Variants in CAPN3 observed in about 807,000 individuals in gnomAD.
CAPN3 encodes calpain-3.
CAPN3 carries 88 observed loss-of-function variants against 114.0 expected under a neutral mutation model. That is an observed-to-expected ratio of 0.77 (90% CI 0.65 to 0.92). The LOEUF (loss-of-function observed/expected upper bound fraction) is 0.92, where lower values mean the gene tolerates loss of function less well. Among genes scored for constraint, CAPN3 ranks in the 40% least tolerant of loss-of-function variants. The pLI is 0.00. For missense variants in CAPN3, 1,028 were observed against 1,069.0 expected (o/e 0.96, Z 0.53); for synonymous variants, 386 against 382.9 (o/e 1.01, Z -0.09).
chr15:42,389,416 T>G (rs946350912), intron 5 of CAPN3, among the ~76,000 whole-genome samples: 2 of 152,162 alleles, frequency 1.3e-5, no homozygotes, highest in African/African-American at 4.8e-5. Flanking sequence ...GCCACGTACT[T>G]GGCTGTGGAC....
chr15:42,402,047 A>G, intron 11 of CAPN3, 77 bp from the exon 12 acceptor site: 1 of 1,579,286 alleles, frequency 6.3e-7, no homozygotes, highest in Non-Finnish European at 8.7e-7. Flanking sequence ...TGCGGGCTGC[A>G]GTTGCTGGCA....
In CAPN3 at chr15:42,401,485, C is replaced by G. The variant is rs28364482; in HGVS notation, c.1355-156C>G. Among the ~76,000 whole-genome samples, 215 of 127,114 alleles carry G rather than the reference C, an allele frequency of 1.7e-3. 2 individuals are homozygous for G. The highest frequency in any genetic ancestry group is 7.7e-3 in the Middle Eastern group (2 of 260). The allele number at this position is 127,114 out of a possible 152,430, so 83.4% of individuals were successfully genotyped here. A position where few individuals can be genotyped will look rare whatever the true frequency, so the allele number is the denominator to read the frequency against. ...GAATAAAGGTAGCGCCCCCCCCCCCCCCAAATCATTAGAGAAATGCCTGAA... is the reference window on the plus strand; with the variant it reads ...GAATAAAGGTAGCGCCCCCCCCCCCGCCAAATCATTAGAGAAATGCCTGAA... On this transcript the variant is annotated intron_variant, in intron 10 of 23. Coordinates refer to ENST00000397163, the MANE Select transcript of CAPN3 (RefSeq NM_000070.3).
At chr15:42,396,726 T>C (rs2053704216) in intron 8 of CAPN3, 74 bp from the exon 9 acceptor site, 2 of 1,160,362 alleles carry the variant, frequency 1.7e-6, no homozygotes, top group East Asian at 2.3e-5. Flanking sequence ...TGTATTTCTC[T>C]GATACCTCCT....
chr15:42,361,452 C>A (rs2052641494), intron 1 of CAPN3, among the ~76,000 whole-genome samples: 1 of 152,088 alleles, frequency 6.6e-6, no homozygotes, highest in South Asian at 2.1e-4. Context: ...GGCTGGGTGA[C>A]AGGAGTGAGA....
At chr15:42,388,861 C>A in intron 4 of CAPN3, 67 bp from the exon 5 acceptor site, 1 of 1,327,166 alleles carries the variant, frequency 7.5e-7, no homozygotes, top group Non-Finnish European at 1.1e-6. Context: ...GTTCTGGTGG[C>A]AGTGGTACCT....
chr15:42,379,338 TTTATGGCTCAGAATGTGTTC>T (rs2053177677), intron 1 of CAPN3, among the ~76,000 whole-genome samples: 1 of 152,102 alleles, frequency 6.6e-6, no homozygotes, highest in Non-Finnish European at 1.5e-5. Context: ...TAAGGTGTGT[TTTATGGCTCAGAATGTGTTC>T]TGTCTTACTG....
intron 21 of CAPN3, 53 bp downstream of exon 21, chr15:42,410,719 G>C (rs1024497277): frequency 6.7e-7 from 1 of 1,487,968 alleles, no homozygotes; most frequent in South Asian, 1.1e-5. Context: ...GTGGGAGCAG[G>C]AATGGGAGGG....
At chr15:42,365,425 T>C (rs2052754227) in intron 1 of CAPN3, among the ~76,000 whole-genome samples, 1 of 152,206 alleles carries the variant, frequency 6.6e-6, no homozygotes, top group Non-Finnish European at 1.5e-5. Context: ...GGCTGATAGC[T>C]GGGCCTTGCA....
intron 1 of CAPN3, among the ~76,000 whole-genome samples, chr15:42,362,438 G>A (rs112669731): frequency 2.0e-5 from 3 of 151,948 alleles, no homozygotes; most frequent in Non-Finnish European, 4.4e-5. Flanking sequence ...TGAAATGAGG[G>A]GTGCAGAAGA....
intron 1 of CAPN3, among the ~76,000 whole-genome samples, chr15:42,373,373 C>T (rs1478481193): frequency 6.6e-6 from 1 of 152,092 alleles, no homozygotes; most frequent in Non-Finnish European, 1.5e-5. Context: ...GCATGAAGTT[C>T]AAAGATCACA....
At position 42,374,986 on chromosome 15, in the gene CAPN3, A is replaced by AATTTATTTATTTATTT. The variant is rs71431847; in HGVS notation, c.310-9462_310-9447dup. 3.0e-5 allele frequency among the ~76,000 whole-genome samples: 4 copies of AATTTATTTATTTATTT among 134,026 alleles called. No individual in the cohort carries two copies. In the East Asian group the frequency reaches 6.6e-4, roughly 22 times the overall value. 87.9% of individuals were successfully genotyped at this position (134,026 alleles called of 152,430 possible). ...CCACATTTTTATTTGTTTAAATAAAAATTTATTTATTTATTTATTTATTTA... is the reference window on the plus strand; with the variant it reads ...CCACATTTTTATTTGTTTAAATAAAAATTTATTTATTTATTTATTTATTTATTTATTTATTTATTTA... On this transcript the variant is annotated intron_variant, in intron 1 of 23. Transcript: ENST00000397163.
At chr15:42,360,665 A>G (rs1029720456) in intron 1 of CAPN3, among the ~76,000 whole-genome samples, 1 of 152,206 alleles carries the variant, frequency 6.6e-6, no homozygotes, top group African/African-American at 2.4e-5. Flanking sequence ...AAAGAGAGAG[A>G]GACCTAGCAA....
chr15:42,363,226 GCA>G (rs2052691210), intron 1 of CAPN3, among the ~76,000 whole-genome samples: 1 of 152,124 alleles, frequency 6.6e-6, no homozygotes, highest in Non-Finnish European at 1.5e-5. Context: ...AGTTTCCAGG[GCA>G]AACAATCTGG....
intron 13 of CAPN3, 136 bp downstream of exon 13, chr15:42,403,138 CCATT>C: frequency 2.7e-6 from 2 of 728,484 alleles, no homozygotes; most frequent in East Asian, 2.7e-5. Flanking sequence ...CACATTACCC[CCATT>C]CATTCATTCA....
intron 10 of CAPN3, among the ~76,000 whole-genome samples, chr15:42,400,407 C>T (rs1320446684): frequency 6.6e-6 from 1 of 152,106 alleles, no homozygotes; most frequent in Non-Finnish European, 1.5e-5. Flanking sequence ...TCAAGATTCC[C>T]AGTTGGGGAC....
At chr15:42,372,574 G>A (rs1364390264) in intron 1 of CAPN3, among the ~76,000 whole-genome samples, 1 of 152,084 alleles carries the variant, frequency 6.6e-6, no homozygotes, top group Non-Finnish European at 1.5e-5. Flanking sequence ...TTTCACCCAG[G>A]CGGTGGCTCA....
chr15:42,384,615 C>G, intron 2 of CAPN3, 63 bp downstream of exon 2: 2 of 1,215,318 alleles, frequency 1.6e-6, no homozygotes, highest in South Asian at 2.4e-5. Context: ...AGGTGTGATC[C>G]CCTTCCAGGA....
At chr15:42,395,512 G>A (rs2053664913) in intron 8 of CAPN3, among the ~76,000 whole-genome samples, 1 of 152,180 alleles carries the variant, frequency 6.6e-6, no homozygotes, top group African/African-American at 2.4e-5. Context: ...TAGTTTGGGT[G>A]GGAGGGGAGG....
intron 1 of CAPN3, 114 bp from the exon 2 acceptor site, chr15:42,384,369 A>C (rs2053326398): frequency 1.3e-6 from 1 of 779,422 alleles, no homozygotes; most frequent in Non-Finnish European, 2.3e-6. Flanking sequence ...CCAAGATTGC[A>C]CCAGTGCACT....
Sources: allele counts gnomAD v4.1 joint callset (sites outside exome capture counted in the v4.1 genomes callset), GRCh38; gene constraint gnomAD v4.1.1; transcripts MANE v1.5; gene names NCBI Gene and HGNC (gene_info 2026-07-23, HGNC 2026-07-21).